NELL1: variants seen among roughly 807,000 people sequenced by gnomAD.
NELL1 encodes the protein neural EGFL like 1.
Under a neutral mutation model 107.4 loss-of-function variants are expected in NELL1, and 76 were observed. The ratio of observed to expected loss-of-function variants is 0.71; its 90% CI spans 0.59 to 0.86. The LOEUF is 0.86. Among genes scored for constraint, NELL1 ranks in the 40% least tolerant of loss-of-function variants. The probability of loss-of-function intolerance (pLI) is 0.00; values close to 1 mark genes in which losing one functional copy is unlikely to be tolerated. For synonymous variants in NELL1, 353 were observed against 341.2 expected (o/e 1.03, Z -0.38); for missense variants, 1,024 against 1,005.5 (o/e 1.02, Z -0.25).
At chr11:20,959,613 G>T (rs1851249000) in intron 11 of NELL1, among the ~76,000 whole-genome samples, 1 of 152,140 alleles carries the variant, frequency 6.6e-6, no homozygotes, top group Non-Finnish European at 1.5e-5. Context: ...TGGGAGTTAG[G>T]CTATGAGGAT....
chr11:21,370,715 A>G, intron 14 of NELL1, 138 bp from the exon 15 acceptor site: 1 of 614,820 alleles, frequency 1.6e-6, no homozygotes. Flanking sequence ...CTTTTTCTGT[A>G]TGGAATTTTT....
At chr11:20,885,357 A>G in intron 4 of NELL1, 87 bp from the exon 5 acceptor site, 1 of 800,410 alleles carries the variant, frequency 1.2e-6, no homozygotes, top group Non-Finnish European at 2.2e-6. Context: ...TACAGCAGCT[A>G]ATGGCATGCA....
At chr11:21,441,326 G>C (rs1853276276) in intron 15 of NELL1, among the ~76,000 whole-genome samples, 1 of 134,810 alleles carries the variant, frequency 7.4e-6, no homozygotes, top group Admixed American at 8.1e-5. Flanking sequence ...CTCTGAGGCT[G>C]TGACGTGTGT....
intron 13 of NELL1, among the ~76,000 whole-genome samples, chr11:21,214,206 T>A (rs1857564353): frequency 6.6e-6 from 1 of 152,276 alleles, no homozygotes; most frequent in East Asian, 1.9e-4. Flanking sequence ...AATCCAAAAA[T>A]TTGAAATCCG....
intron 5 of NELL1, among the ~76,000 whole-genome samples, chr11:20,912,625 C>T (rs1385306580): frequency 6.6e-6 from 1 of 152,102 alleles, no homozygotes; most frequent in African/African-American, 2.4e-5. Flanking sequence ...GCTCTCCTGT[C>T]TTTGTTTCTC....
chr11:21,329,545 A>C (rs1325147923), intron 14 of NELL1, among the ~76,000 whole-genome samples: 1 of 152,154 alleles, frequency 6.6e-6, no homozygotes, highest in African/African-American at 2.4e-5. Flanking sequence ...ATATAGTTAA[A>C]TATTGTAATA....
intron 2 of NELL1, among the ~76,000 whole-genome samples, chr11:20,757,162 G>GTT (rs1205844816): frequency 7.2e-6 from 1 of 138,160 alleles, no homozygotes; most frequent in South Asian, 2.3e-4. Flanking sequence ...TTTACACTTA[G>GTT]TTTTTTTTTT....
intron 15 of NELL1, among the ~76,000 whole-genome samples, chr11:21,472,715 T>C (rs144551586): frequency 3.3e-5 from 5 of 152,136 alleles, no homozygotes; most frequent in Non-Finnish European, 5.9e-5. Context: ...CTGGGAAATC[T>C]ATGCTGTTGA....
intron 2 of NELL1, among the ~76,000 whole-genome samples, chr11:20,698,833 T>G (rs1854691837): frequency 6.6e-6 from 1 of 152,206 alleles, no homozygotes; most frequent in South Asian, 2.1e-4. Context: ...TCCATTATAT[T>G]ATTCTTTTCC....
intron 13 of NELL1, among the ~76,000 whole-genome samples, chr11:21,199,970 G>A (rs1164626805): frequency 2.6e-5 from 4 of 152,062 alleles, no homozygotes; most frequent in African/African-American, 4.8e-5. Flanking sequence ...TGCAAATGAC[G>A]TGAACCCATC....
chr11:21,564,987 T>C (rs1489985808), intron 17 of NELL1, among the ~76,000 whole-genome samples: 1 of 151,918 alleles, frequency 6.6e-6, no homozygotes, highest in East Asian at 1.9e-4. Flanking sequence ...AGCATACTGG[T>C]TCTGCCTTCC....
chr11:20,911,831 G>C (rs979275503), intron 5 of NELL1, among the ~76,000 whole-genome samples: 5 of 152,096 alleles, frequency 3.3e-5, no homozygotes, highest in Admixed American at 6.6e-5. Flanking sequence ...AGTGCTTCTG[G>C]CCATCCTTTT....
At chr11:21,565,331 C>T (rs1591041031) in intron 17 of NELL1, among the ~76,000 whole-genome samples, 1 of 151,886 alleles carries the variant, frequency 6.6e-6, no homozygotes, top group East Asian at 2.0e-4. Flanking sequence ...TGGTAGTGTT[C>T]AAAACCCTGT....
At chr11:21,094,095 A>T (rs956261750) in intron 12 of NELL1, among the ~76,000 whole-genome samples, 3 of 152,224 alleles carry the variant, frequency 2.0e-5, no homozygotes, top group African/African-American at 7.2e-5. Flanking sequence ...TACTTCCTAG[A>T]TTCAATGGGG....
chr11:21,498,559 T>A (rs1855048912), intron 15 of NELL1, among the ~76,000 whole-genome samples: 1 of 151,820 alleles, frequency 6.6e-6, no homozygotes, highest in Non-Finnish European at 1.5e-5. Flanking sequence ...TTCATTCTTC[T>A]AGTGATCAAC....
At chr11:20,842,744 G>A (rs4475917) in intron 3 of NELL1, among the ~76,000 whole-genome samples, 1 of 152,138 alleles carries the variant, frequency 6.6e-6, no homozygotes, top group African/African-American at 2.4e-5. Flanking sequence ...AGGTTGTTAC[G>A]AGGATTACAT....
rs553065594 is a variant in NELL1, at chr11:21,051,323, G to A, written c.1301-62266G>A. Among the ~76,000 whole-genome samples the A allele has an allele frequency of 1.3e-4, 20 of 152,234 alleles. No homozygotes were observed. In the South Asian group the frequency reaches 3.5e-3, roughly 27 times the overall value. ...ACTATATGTTCTCACTTGTAAATGG[G>A]AGCTAAGCTATGAGGACACAAAGGC... On this transcript the variant is annotated intron_variant, in intron 12 of 19. Transcript: ENST00000357134.
At chr11:21,046,677 A>ATTATTTATTTAT (rs34098589) in intron 12 of NELL1, among the ~76,000 whole-genome samples, 1,988 of 143,606 alleles carry the variant, frequency 0.014, 22 homozygotes, top group East Asian at 0.024. Flanking sequence ...TATTTACTCA[A>ATTATTTATTTAT]TTATTTATTT....
chr11:20,867,280 CCA>C (rs891324862), intron 4 of NELL1, among the ~76,000 whole-genome samples: 1 of 152,006 alleles, frequency 6.6e-6, no homozygotes, highest in Non-Finnish European at 1.5e-5. Flanking sequence ...GTTATTTGGG[CCA>C]CAGTTTTCTC....
Sources: allele counts gnomAD v4.1 joint callset (sites outside exome capture counted in the v4.1 genomes callset), GRCh38; gene constraint gnomAD v4.1.1; transcripts MANE v1.5; gene names NCBI Gene and HGNC (gene_info 2026-07-23, HGNC 2026-07-21).